TRABD2A: variants seen among roughly 807,000 people sequenced by gnomAD.
TRABD2A encodes metalloprotease TIKI1.
In TRABD2A, 43 loss-of-function variants were observed where a neutral mutation model predicts 45.6. That is an observed-to-expected ratio of 0.94 (90% CI 0.74 to 1.22). The LOEUF (loss-of-function observed/expected upper bound fraction) is 1.22, where lower values mean the gene tolerates loss of function less well. TRABD2A is among the 50% of genes most tolerant of loss of function. The pLI is 0.00. For synonymous variants in TRABD2A, 269 were observed against 265.0 expected (o/e 1.02, Z -0.15); for missense variants, 642 against 652.4 (o/e 0.98, Z 0.17).
intron 1 of TRABD2A, among the ~76,000 whole-genome samples, chr2:84,877,689 T>A (rs1215684015): frequency 1.3e-5 from 2 of 152,196 alleles, no homozygotes; most frequent in Non-Finnish European, 2.9e-5. Context: ...ACTGAGATTT[T>A]AACAGACACC....
chr2:84,879,676 T>C, intron 1 of TRABD2A: 1 of 902,746 alleles, frequency 1.1e-6, no homozygotes. Context: ...TCCTGCCTTG[T>C]CTAACAAGCA....
At chr2:84,838,914 G>T in intron 4 of TRABD2A, among the ~76,000 whole-genome samples, 1 of 152,336 alleles carries the variant, frequency 6.6e-6, no homozygotes, top group East Asian at 1.9e-4. Flanking sequence ...CTTATGTGTG[G>T]AGAGAGCTAT....
At chr2:84,847,800 G>T (rs1003779450) in intron 2 of TRABD2A, among the ~76,000 whole-genome samples, 31 of 152,196 alleles carry the variant, frequency 2.0e-4, no homozygotes, top group African/African-American at 7.5e-4. Flanking sequence ...CAACAGAATT[G>T]TATTGCCTCA....
intron 5 of TRABD2A, among the ~76,000 whole-genome samples, chr2:84,824,546 C>CTTTTT (rs33984190): frequency 3.8e-5 from 4 of 106,096 alleles, no homozygotes; most frequent in South Asian, 3.3e-4. Context: ...ACAATTATAG[C>CTTTTT]TTTTTTTTTT....
At chr2:84,870,946 C>A (rs1682855856) in intron 1 of TRABD2A, among the ~76,000 whole-genome samples, 161 bp from the exon 2 acceptor site, 2 of 150,874 alleles carry the variant, frequency 1.3e-5, no homozygotes, top group African/African-American at 2.4e-5. Flanking sequence ...CAATCCATTG[C>A]CCTAAATAGA....
At chr2:84,867,416 C>A (rs1196301436) in intron 2 of TRABD2A, among the ~76,000 whole-genome samples, 1 of 152,110 alleles carries the variant, frequency 6.6e-6, no homozygotes, top group East Asian at 1.9e-4. Flanking sequence ...CTTACTTACA[C>A]CTTATACAAA....
chr2:84,858,659 G>A (rs376497558), intron 2 of TRABD2A, among the ~76,000 whole-genome samples: 1 of 152,126 alleles, frequency 6.6e-6, no homozygotes, highest in African/African-American at 2.4e-5. Flanking sequence ...AAGGGCCTCG[G>A]GGCAGCCTTC....
chr2:84,823,032 C>T (rs1261042823), intron 6 of TRABD2A, among the ~76,000 whole-genome samples: 1 of 152,174 alleles, frequency 6.6e-6, no homozygotes, highest in Non-Finnish European at 1.5e-5. Context: ...CTCACTCACT[C>T]ATTCATTCTA....
intron 1 of TRABD2A, among the ~76,000 whole-genome samples, chr2:84,873,566 A>G (rs1682935824): frequency 6.6e-6 from 1 of 152,262 alleles, no homozygotes; most frequent in Non-Finnish European, 1.5e-5. Context: ...AACGAAATGG[A>G]AACTGTACAT....
At chr2:84,835,471 T>A (rs1324876232) in intron 4 of TRABD2A, 1 of 152,010 alleles carries the variant, frequency 6.6e-6, no homozygotes, top group East Asian at 1.9e-4. Flanking sequence ...TGGAGTGCAG[T>A]GGCATGTTCA....
At chr2:84,860,992 G>C (rs986153288) in intron 2 of TRABD2A, among the ~76,000 whole-genome samples, 2 of 152,200 alleles carry the variant, frequency 1.3e-5, no homozygotes, top group Non-Finnish European at 2.9e-5. Flanking sequence ...GGGAGCAGTG[G>C]GGAGGTGCTC....
At chr2:84,876,118 T>C (rs1683018141) in intron 1 of TRABD2A, among the ~76,000 whole-genome samples, 1 of 152,140 alleles carries the variant, frequency 6.6e-6, no homozygotes, top group African/African-American at 2.4e-5. Flanking sequence ...GAAATTTGGT[T>C]TTGGATCTGT....
At chr2:84,829,628 A>T (rs1681262919) in intron 5 of TRABD2A, among the ~76,000 whole-genome samples, 1 of 125,392 alleles carries the variant, frequency 8.0e-6, no homozygotes, top group African/African-American at 3.4e-5. Context: ...ACACAACGCA[A>T]ACCCCACACG....
At position 84,832,130 on chromosome 2, in the gene TRABD2A, T is replaced by G; in HGVS notation, c.1007A>C (p.Asn336Thr). 6.2e-7 allele frequency: 1 copy of G among 1,614,036 alleles called. No homozygotes were observed. The highest frequency in any genetic ancestry group is 8.5e-7 in the Non-Finnish European group (1 of 1,179,908). ...CCGCAAAACATCCAGCACTGTGTTG[T>G]TGCCCATGAAATGACCTGCAGTGAG... ...FAFGAGHFMG[N>T]NTVLDVLRRE... Residue 336 changes from asparagine (N) to threonine (T), a missense_variant, in exon 5 of 7, where the codon AAC (asparagine) becomes ACC (threonine). Asn to Thr is a moderately conservative substitution (Grantham distance 65). Coordinates refer to ENST00000409520, the MANE Select transcript of TRABD2A (RefSeq NM_001277053.2).
intron 4 of TRABD2A, chr2:84,834,868 T>C (rs1182334691): frequency 1.3e-5 from 2 of 152,204 alleles, no homozygotes; most frequent in African/African-American, 4.8e-5. Context: ...CAAATTTTCG[T>C]GTGGACATAT....
chr2:84,828,333 TAAC>T (rs931885142), intron 5 of TRABD2A, among the ~76,000 whole-genome samples: 1 of 152,100 alleles, frequency 6.6e-6, no homozygotes, highest in Non-Finnish European at 1.5e-5. Context: ...AATCACCACT[TAAC>T]AGCCCTCATG....
At chr2:84,832,201 T>C (rs1204833338) in intron 4 of TRABD2A, 56 bp from the exon 5 acceptor site, 1 of 1,568,768 alleles carries the variant, frequency 6.4e-7, no homozygotes, top group African/African-American at 1.4e-5. Context: ...CCAAACATAC[T>C]CCCCAAACAC....
At chr2:84,871,854 T>G (rs1377726618) in intron 1 of TRABD2A, among the ~76,000 whole-genome samples, 2 of 152,236 alleles carry the variant, frequency 1.3e-5, no homozygotes, top group African/African-American at 2.4e-5. Flanking sequence ...AGGGTCCTAA[T>G]GAGCCTATGA....
At chr2:84,844,753 T>C (rs1681829502) in intron 2 of TRABD2A, among the ~76,000 whole-genome samples, 1 of 152,184 alleles carries the variant, frequency 6.6e-6, no homozygotes. Context: ...ACCTATCAGG[T>C]ATGCCTGGCC....
Sources: allele counts gnomAD v4.1 joint callset (sites outside exome capture counted in the v4.1 genomes callset), GRCh38; gene constraint gnomAD v4.1.1; transcripts MANE v1.5; gene names NCBI Gene and HGNC (gene_info 2026-07-23, HGNC 2026-07-21).